Variants in CNTNAP5 observed in about 807,000 individuals in gnomAD.
CNTNAP5 encodes the protein contactin associated protein family member 5.
In CNTNAP5, 72 loss-of-function variants were observed where a neutral mutation model predicts 150.2. That is an observed-to-expected ratio of 0.48 (90% CI 0.40 to 0.58). The LOEUF (loss-of-function observed/expected upper bound fraction) is 0.58, where lower values mean the gene tolerates loss of function less well. Ranked by LOEUF, CNTNAP5 falls within the 20% of genes least tolerant of loss-of-function variation. The probability of loss-of-function intolerance (pLI) is 0.00; values close to 1 mark genes in which losing one functional copy is unlikely to be tolerated. For missense variants in CNTNAP5, 1,636 were observed against 1,626.2 expected, an observed-to-expected ratio of 1.01 and a Z score of -0.10; for synonymous variants, 672 against 619.8, an observed-to-expected ratio of 1.08 and a Z score of -1.25.
chr2:124,486,887 T>C (rs145454364), intron 7 of CNTNAP5, among the ~76,000 whole-genome samples: 2 of 152,360 alleles, frequency 1.3e-5, no homozygotes, highest in African/African-American at 4.8e-5. Flanking sequence ...ACTGTATAGG[T>C]GGACATGAAT....
At chr2:124,868,321 G>A (rs1431793671) in intron 20 of CNTNAP5, among the ~76,000 whole-genome samples, 1 of 152,014 alleles carries the variant, frequency 6.6e-6, no homozygotes, top group Admixed American at 6.6e-5. Flanking sequence ...GCTCATTTCT[G>A]GTTGCTTCTC....
At chr2:124,793,183 C>T (rs1681773914) in intron 18 of CNTNAP5, among the ~76,000 whole-genome samples, 1 of 152,154 alleles carries the variant, frequency 6.6e-6, no homozygotes. Flanking sequence ...TCTTCATCTT[C>T]TTGCCAACAC....
chr2:124,600,761 GAGAGAGAAAGAGAGAGAA>G (rs1371762211), intron 11 of CNTNAP5, among the ~76,000 whole-genome samples: 1 of 116,552 alleles, frequency 8.6e-6, no homozygotes, highest in African/African-American at 2.9e-5. Flanking sequence ...GAGAGAGAGA[GAGAGAGAAAGAGAGAGAA>G]AGAGAGAAGC....
chr2:124,039,025 G>T (rs568419390), intron 1 of CNTNAP5, among the ~76,000 whole-genome samples: 1 of 152,134 alleles, frequency 6.6e-6, no homozygotes, highest in Non-Finnish European at 1.5e-5. Flanking sequence ...ATAAGCAGAC[G>T]CTTTATTCTA....
At chr2:124,476,691 A>G (rs1693648168) in intron 7 of CNTNAP5, among the ~76,000 whole-genome samples, 1 of 152,154 alleles carries the variant, frequency 6.6e-6, no homozygotes, top group South Asian at 2.1e-4. Context: ...AGAGAGTCCC[A>G]GATTGATCTT....
At chr2:124,492,591 T>G (rs1006629072) in intron 7 of CNTNAP5, among the ~76,000 whole-genome samples, 19 of 152,188 alleles carry the variant, frequency 1.2e-4, no homozygotes, top group Non-Finnish European at 5.9e-5. Flanking sequence ...TGTAAGGATT[T>G]TTTTATTCTA....
At chr2:124,478,001 A>G (rs1482807231) in intron 7 of CNTNAP5, among the ~76,000 whole-genome samples, 1 of 152,168 alleles carries the variant, frequency 6.6e-6, no homozygotes, top group African/African-American at 2.4e-5. Context: ...CCTGAGCTTT[A>G]GATATAAATA....
At chr2:124,251,440 G>C (rs1212806874) in intron 3 of CNTNAP5, among the ~76,000 whole-genome samples, 1 of 147,708 alleles carries the variant, frequency 6.8e-6, no homozygotes, top group East Asian at 2.0e-4. Flanking sequence ...TTGGGCTGGA[G>C]TTATTTCAAC....
In CNTNAP5 at chr2:124,264,374, GCACACACACACACATACACACA is replaced by G. The variant is rs1279336087; in HGVS notation, c.381+21996_381+22017del. Among the ~76,000 whole-genome samples the G allele has an allele frequency of 1.2e-4, 6 of 50,166 alleles. No individual in the cohort carries two copies. In the East Asian group the frequency reaches 2.7e-3, roughly 23 times the overall value. 32.9% of individuals were successfully genotyped at this position (50,166 alleles called of 152,430 possible). A position where few individuals can be genotyped will look rare whatever the true frequency, so the allele number is the denominator to read the frequency against. On this transcript the variant is annotated intron_variant, in intron 3 of 23. Coordinates refer to ENST00000682447, the MANE Select transcript of CNTNAP5 (RefSeq NM_001367498.1). ...CTATACCCTTCCCCCACACACACAG[GCACACACACACACATACACACA>G]CACACACACACACACACACACACAC...
chr2:124,604,661 C>CCTA (rs1558701007), intron 11 of CNTNAP5, among the ~76,000 whole-genome samples: 1 of 152,150 alleles, frequency 6.6e-6, no homozygotes, highest in Non-Finnish European at 1.5e-5. Context: ...AGATTAACCA[C>CCTA]CTACAAGCTG....
At chr2:124,342,077 C>A (rs374652356) in intron 3 of CNTNAP5, among the ~76,000 whole-genome samples, 1 of 151,854 alleles carries the variant, frequency 6.6e-6, no homozygotes, top group South Asian at 2.1e-4. Context: ...GGGTTAGAAC[C>A]GAAAAATGGG....
intron 14 of CNTNAP5, among the ~76,000 whole-genome samples, chr2:124,757,635 C>T (rs1268624284): frequency 6.6e-6 from 1 of 152,164 alleles, no homozygotes; most frequent in East Asian, 1.9e-4. Context: ...AGTTATTGCT[C>T]CTGTACAATG....
intron 1 of CNTNAP5, among the ~76,000 whole-genome samples, chr2:124,203,289 G>A (rs1320927106): frequency 6.6e-6 from 1 of 152,134 alleles, no homozygotes; most frequent in Admixed American, 6.5e-5. Context: ...GATTCCCTTG[G>A]TCTTTGGCAG....
At chr2:124,507,734 A>AT (rs1694448002) in intron 8 of CNTNAP5, among the ~76,000 whole-genome samples, 8 of 152,272 alleles carry the variant, frequency 5.3e-5, no homozygotes, top group Admixed American at 5.2e-4. Context: ...CTACAGATGC[A>AT]AGTCCCCCAC....
intron 1 of CNTNAP5, among the ~76,000 whole-genome samples, chr2:124,153,292 C>A (rs950115761): frequency 6.6e-6 from 1 of 152,156 alleles, no homozygotes; most frequent in African/African-American, 2.4e-5. Context: ...AAATAATAGT[C>A]TCCAATAGCA....
chr2:124,059,692 T>C (rs1446167367), intron 1 of CNTNAP5, among the ~76,000 whole-genome samples: 3 of 152,254 alleles, frequency 2.0e-5, no homozygotes, highest in South Asian at 2.1e-4. Context: ...TTGGGGACAC[T>C]CCTGCCATTT....
intron 12 of CNTNAP5, among the ~76,000 whole-genome samples, chr2:124,615,651 C>G (rs532624437): frequency 6.6e-6 from 1 of 152,146 alleles, no homozygotes; most frequent in Non-Finnish European, 1.5e-5. Context: ...TTTGGCCTCT[C>G]CCATAAATCA....
chr2:124,217,208 C>T (rs536065094), intron 1 of CNTNAP5, among the ~76,000 whole-genome samples: 2 of 151,424 alleles, frequency 1.3e-5, no homozygotes, highest in South Asian at 4.2e-4. Flanking sequence ...ATGAGAGAAG[C>T]CTTTTAGTCT....
chr2:124,467,408 A>G (rs1339074352), intron 6 of CNTNAP5, among the ~76,000 whole-genome samples: 1 of 152,170 alleles, frequency 6.6e-6, no homozygotes, highest in Non-Finnish European at 1.5e-5. Context: ...TCAGTATTCA[A>G]TTTTTGCAAA....
Sources: gnomAD v4.1 joint callset for allele counts (sites outside exome capture counted in the v4.1 genomes callset) on GRCh38, gnomAD v4.1.1 for gene constraint, MANE v1.5 for transcripts, NCBI Gene and HGNC (gene_info 2026-07-23, HGNC 2026-07-21) for gene names.